The following KIF14 variants were observed in gnomAD, a reference collection of about 807,000 sequenced individuals.
The protein encoded by KIF14 is kinesin-like protein KIF14.
In KIF14, 98 loss-of-function variants were observed where a neutral mutation model predicts 176.2. The ratio of observed to expected loss-of-function variants is 0.56; its 90% CI spans 0.47 to 0.66. The LOEUF is 0.66. Ranked by LOEUF, KIF14 falls within the 30% of genes least tolerant of loss-of-function variation. The pLI, the probability that KIF14 is intolerant of heterozygous loss-of-function variation, is 0.00. For synonymous variants in KIF14, 566 were observed against 632.2 expected, an observed-to-expected ratio of 0.90 and a Z score of 1.57; for missense variants, 1,751 against 1,920.4, an observed-to-expected ratio of 0.91 and a Z score of 1.65.
At chr1:200,615,658 GTAT>G (rs1274954130) in intron 2 of KIF14, 49 bp from the exon 3 acceptor site, 1 of 1,491,554 alleles carries the variant, frequency 6.7e-7, no homozygotes, top group Non-Finnish European at 9.1e-7. Flanking sequence ...ATGATCAAGG[GTAT>G]TATTCTCACA....
chr1:200,575,959 T>C (rs1193047988), intron 21 of KIF14, among the ~76,000 whole-genome samples: 2 of 152,088 alleles, frequency 1.3e-5, no homozygotes, highest in Non-Finnish European at 2.9e-5. Context: ...ATAATAATAG[T>C]AAAAACATAA....
At chr1:200,556,161 C>G (rs1656818938) in intron 27 of KIF14, among the ~76,000 whole-genome samples, 1 of 152,168 alleles carries the variant, frequency 6.6e-6, no homozygotes, top group Admixed American at 6.5e-5. Flanking sequence ...CATCTAAATT[C>G]TAAGCCTTTG....
At chr1:200,592,410 A>G (rs1221282621) in intron 15 of KIF14, among the ~76,000 whole-genome samples, 170 bp from the exon 16 acceptor site, 1 of 152,088 alleles carries the variant, frequency 6.6e-6, no homozygotes, top group African/African-American at 2.4e-5. Context: ...GAGTCTCACT[A>G]TGTCACCCAG....
chr1:200,581,115 G>GAAAAAAAAAAAAA (rs368717102), intron 20 of KIF14, 86 bp downstream of exon 20: 51 of 291,320 alleles, frequency 1.8e-4, no homozygotes, highest in Middle Eastern at 1.0e-3. Context: ...CTCTGTCTCA[G>GAAAAAAAAAAAAA]AAAAAAAAAA....
At chr1:200,559,687 T>C (rs186260639) in intron 26 of KIF14, among the ~76,000 whole-genome samples, 123 of 152,140 alleles carry the variant, frequency 8.1e-4, no homozygotes, top group Admixed American at 2.0e-3. Flanking sequence ...GTATCCCATA[T>C]ATAACATATT....
intron 19 of KIF14, among the ~76,000 whole-genome samples, chr1:200,581,897 G>C (rs186753571): frequency 6.6e-6 from 1 of 150,566 alleles, no homozygotes; most frequent in East Asian, 2.0e-4. Context: ...AGCCTTCCAA[G>C]TAGCTGGAAC....
intron 7 of KIF14, 108 bp downstream of exon 7, chr1:200,605,756 G>A (rs553018976): frequency 2.0e-5 from 14 of 687,950 alleles, no homozygotes; most frequent in Admixed American, 1.6e-4. Context: ...GATAAATTAA[G>A]GAAACTAACC....
intron 5 of KIF14, 25 bp from the exon 6 acceptor site, chr1:200,606,823 A>C (rs1558086957): frequency 3.2e-6 from 5 of 1,557,158 alleles, no homozygotes; most frequent in Non-Finnish European, 4.4e-6. Context: ...TACATGCATC[A>C]TTAGGAGTAT....
rs1225171006 is a variant in KIF14 at position 200,618,514 on chromosome 1, A to G, written c.210T>C (p.Ser70=). The G allele has an allele frequency of 1.2e-6, 2 of 1,614,136 alleles. No individual in the cohort carries two copies. Among genetic ancestry groups the G allele is most frequent in the Admixed American group, 1.7e-5 (1 of 60,028 alleles). The part of the protein sequence containing the change: ...VRDINRTYVI[S]ASRKTADMPL... Reference sequence around the variant, plus strand: ...GCATGTCTGCTGTTTTTCTACTGGCAGAAATAACATAAGTTCTATTTATGT... The same window carrying G: ...GCATGTCTGCTGTTTTTCTACTGGCGGAAATAACATAAGTTCTATTTATGT... The change falls in exon 2 of 30, where the codon TCT becomes TCC. Residue 70 remains serine, a synonymous_variant. Transcript: ENST00000367350.
intron 17 of KIF14, among the ~76,000 whole-genome samples, chr1:200,589,615 GTTTCTC>G (rs1236148271): frequency 7.0e-6 from 1 of 142,710 alleles, no homozygotes; most frequent in African/African-American, 2.6e-5. Context: ...GAGGACAGAA[GTTTCTC>G]TTTATTTTTA....
chr1:200,598,458 C>T, intron 13 of KIF14, 37 bp from the exon 14 acceptor site: 2 of 1,531,950 alleles, frequency 1.3e-6, no homozygotes, highest in Non-Finnish European at 1.8e-6. Context: ...ATCTTAATCA[C>T]AGTATGAAAT....
intron 17 of KIF14, 83 bp from the exon 18 acceptor site, chr1:200,589,452 A>G: frequency 8.7e-7 from 1 of 1,143,574 alleles, no homozygotes; most frequent in South Asian, 1.6e-5. Context: ...ACCAATGTAC[A>G]AGAAATTACT....
chr1:200,559,510 T>G, intron 26 of KIF14, 58 bp from the exon 27 acceptor site: 1 of 1,033,816 alleles, frequency 9.7e-7, no homozygotes, highest in East Asian at 3.2e-5. Context: ...TTTTAATTTA[T>G]TTAAATTTAG....
chr1:200,581,813 C>G (rs970628397), intron 19 of KIF14, among the ~76,000 whole-genome samples: 11 of 122,948 alleles, frequency 8.9e-5, no homozygotes, highest in Non-Finnish European at 1.7e-4. Context: ...GTTGCCTAGG[C>G]TATATAGTAC....
chr1:200,578,964 A>C (rs1482220963), intron 21 of KIF14, among the ~76,000 whole-genome samples: 1 of 152,060 alleles, frequency 6.6e-6, no homozygotes, highest in African/African-American at 2.4e-5. Context: ...GGTGGTGGGC[A>C]CCTGTAGTCC....
intron 25 of KIF14, 109 bp downstream of exon 25, chr1:200,564,960 T>C (rs1657361802): frequency 2.5e-6 from 2 of 794,452 alleles, no homozygotes; most frequent in Admixed American, 2.9e-5. Context: ...AAACAGAATG[T>C]ACTTTTGAAA....
At chr1:200,600,303 C>T in intron 12 of KIF14, 53 bp downstream of exon 12, 1 of 1,570,160 alleles carries the variant, frequency 6.4e-7, no homozygotes, top group Non-Finnish European at 8.8e-7. Flanking sequence ...CCCTGCCATT[C>T]CTATGATTCC....
intron 6 of KIF14, among the ~76,000 whole-genome samples, chr1:200,606,204 G>T (rs1031013022): frequency 6.6e-6 from 1 of 152,046 alleles, no homozygotes; most frequent in East Asian, 1.9e-4. Context: ...ATATGCATAG[G>T]TATATTTATA....
Position 200,560,733 on chromosome 1 carries a change from C to T in KIF14, c.4219G>A (p.Ala1407Thr). 6.2e-7 allele frequency: 1 copy of T among 1,614,208 alleles called. No individual in the cohort carries two copies. ...HFLENGNNKA[A>T]SVQEEFMDAV... ...CATTGCTAAATTACCTGGACACTGG[C>T]AGCTTTATTGTTACCGTTTTCTAGA... The change falls in exon 26 of 30, where the codon GCC becomes ACC. Residue 1407 changes from alanine to threonine, a missense_variant. Ala to Thr is a moderately conservative substitution (Grantham distance 58). Coordinates refer to ENST00000367350, the MANE Select transcript of KIF14 (RefSeq NM_014875.3).
Sources: gnomAD v4.1 joint callset for allele counts (sites outside exome capture counted in the v4.1 genomes callset) on GRCh38, gnomAD v4.1.1 for gene constraint, MANE v1.5 for transcripts, NCBI Gene and HGNC (gene_info 2026-07-23, HGNC 2026-07-21) for gene names.